PCBP3: variants seen among roughly 807,000 people sequenced by gnomAD.
PCBP3 encodes the protein poly(rC) binding protein 3, also known as poly(rC)-binding protein 3.
PCBP3 carries 25 observed loss-of-function variants against 52.7 expected under a neutral mutation model. The observed-to-expected ratio is 0.47, with a 90% CI of 0.35 to 0.66. The LOEUF (loss-of-function observed/expected upper bound fraction) is 0.66. PCBP3 is among the 30% of genes least tolerant of loss of function. The probability of loss-of-function intolerance (pLI) is 0.01; values close to 1 mark genes in which losing one functional copy is unlikely to be tolerated. For missense variants in PCBP3, 391 were observed against 490.3 expected, an observed-to-expected ratio of 0.80 and a Z score of 1.91; for synonymous variants, 162 against 183.0, an observed-to-expected ratio of 0.89 and a Z score of 0.93.
rs1333562740 is a variant in PCBP3 at position 45,837,329 on chromosome 21, G to A, written c.-125-12632G>A. 6.6e-6 allele frequency among the ~76,000 whole-genome samples: 1 copy of A among 152,214 alleles called. No homozygotes were observed. The highest frequency in any genetic ancestry group is 1.9e-4 in the East Asian group (1 of 5,192). On this transcript the variant is annotated intron_variant, in intron 4 of 17. Coordinates refer to ENST00000681687, the MANE Select transcript of PCBP3 (RefSeq NM_001384156.1). The surrounding 1 kb of genome is among the most constrained non-coding windows in gnomAD (Gnocchi z 4.1). Reference sequence around the variant, plus strand: ...GATCGTGACCCTCCCTTTAATCTGGGCAGGCATGTGCCTCCAGCGGAAATG... The same window carrying A: ...GATCGTGACCCTCCCTTTAATCTGGACAGGCATGTGCCTCCAGCGGAAATG...
chr21:45,861,929 C>A (rs1217155568), intron 5 of PCBP3, among the ~76,000 whole-genome samples: 2 of 152,246 alleles, frequency 1.3e-5, no homozygotes, highest in Non-Finnish European at 2.9e-5. Flanking sequence ...GGCTGGCAAT[C>A]CAGGATCAAG....
At position 45,917,604 on chromosome 21, in the gene PCBP3, G is replaced by A; in HGVS notation, c.692G>A (p.Gly231Glu). The A allele has an allele frequency of 6.2e-7, 1 of 1,613,456 alleles. No individual in the cohort carries two copies. The change falls in exon 13 of 18, where the codon GGA becomes GAA. Residue 231 changes from glycine to glutamate, a missense_variant. Gly to Glu is a moderately conservative substitution (Grantham distance 98). Coordinates refer to ENST00000681687, the MANE Select transcript of PCBP3 (RefSeq NM_001384156.1). This position sits in a 1 kb window ranked among gnomAD's most constrained non-coding sequence, Gnocchi z 5.3. Reference protein sequence around the residue: ...FAGGQAYTIQGQYAIPHPDQL... With the variant: ...FAGGQAYTIQEQYAIPHPDQL... ...TCTCTCTAGGCCTACACAATCCAGG[G>A]ACAGTATGCCATCCCTCACCCGGAT...
At chr21:45,884,096 G>C (rs917259030) in intron 5 of PCBP3, among the ~76,000 whole-genome samples, 5 of 152,096 alleles carry the variant, frequency 3.3e-5, no homozygotes, top group African/African-American at 1.2e-4. Flanking sequence ...ACCATGCCCA[G>C]CCAATTTATT....
chr21:45,866,126 C>A (rs1271880564), intron 5 of PCBP3, among the ~76,000 whole-genome samples: 1 of 152,210 alleles, frequency 6.6e-6, no homozygotes, highest in African/African-American at 2.4e-5. Context: ...GACCCCTGGA[C>A]CCCCCTTGCC....
intron 2 of PCBP3, among the ~76,000 whole-genome samples, chr21:45,729,033 A>C (rs1320926076): frequency 6.6e-6 from 1 of 152,156 alleles, no homozygotes; most frequent in Non-Finnish European, 1.5e-5. Context: ...TTTTGTTACC[A>C]CGAAGGAATA....
At chr21:45,696,931 A>G (rs1366578740) in intron 2 of PCBP3, among the ~76,000 whole-genome samples, 1 of 152,244 alleles carries the variant, frequency 6.6e-6, no homozygotes, top group Non-Finnish European at 1.5e-5. Flanking sequence ...GATTAAAACC[A>G]CAGTGAGGTA....
chr21:45,658,573 G>A (rs139579059), intron 1 of PCBP3, among the ~76,000 whole-genome samples: 1 of 152,108 alleles, frequency 6.6e-6, no homozygotes, highest in African/African-American at 2.4e-5. Flanking sequence ...CAAAATGCTG[G>A]GATTACAGAC....
At position 45,941,853 on chromosome 21, in the gene PCBP3, AAC is replaced by A. The variant is rs2077496874; in HGVS notation, c.*152_*153del. The A allele has an allele frequency of 1.7e-5, 10 of 572,428 alleles. No individual in the cohort carries two copies. Among genetic ancestry groups the A allele is most frequent in the Non-Finnish European group, 2.7e-5 (9 of 337,408 alleles). 35.5% of individuals were successfully genotyped at this position (572,428 alleles called of 1,614,324 possible). A position where few individuals can be genotyped will look rare whatever the true frequency, so the allele number is the denominator to read the frequency against. ...AACAAAAGGACGTATGCCATGGAGAAACACACCCGCGCACACAGCTGCTCTCT... is the reference window on the plus strand; with the variant it reads ...AACAAAAGGACGTATGCCATGGAGAAACACCCGCGCACACAGCTGCTCTCT... On this transcript the variant is annotated 3_prime_UTR_variant, in exon 18 of 18. Transcript: ENST00000681687.
At chr21:45,702,472 A>T (rs1430977473) in intron 2 of PCBP3, among the ~76,000 whole-genome samples, 1 of 152,264 alleles carries the variant, frequency 6.6e-6, no homozygotes, top group Non-Finnish European at 1.5e-5. Context: ...AAAGCAAGTC[A>T]CATGAATTTT....
chr21:45,868,781 G>T (rs940330369), intron 5 of PCBP3, among the ~76,000 whole-genome samples: 7 of 152,236 alleles, frequency 4.6e-5, no homozygotes, highest in African/African-American at 1.4e-4. Context: ...CGGGGTGGCC[G>T]AGACAGGGAA....
intron 2 of PCBP3, among the ~76,000 whole-genome samples, chr21:45,722,283 G>A (rs1002086517): frequency 2.6e-5 from 4 of 152,146 alleles, no homozygotes; most frequent in Non-Finnish European, 5.9e-5. Flanking sequence ...AATGTAAGTG[G>A]ATATATGTTT....
At chr21:45,738,169 A>G (rs930325204) in intron 3 of PCBP3, among the ~76,000 whole-genome samples, 7 of 152,182 alleles carry the variant, frequency 4.6e-5, no homozygotes, top group African/African-American at 1.7e-4. Flanking sequence ...GGAAATAAGA[A>G]GTAGTAATGA....
chr21:45,826,925 T>G lies in PCBP3; in HGVS notation c.-125-23036T>G, dbSNP rs117613642. Reference sequence around the variant, plus strand: ...CTCCCCCGAGTCAGGAAAGGCCAAGTGGAGAGTTGAGGCTTCTGCTTGTAC... The same window carrying G: ...CTCCCCCGAGTCAGGAAAGGCCAAGGGGAGAGTTGAGGCTTCTGCTTGTAC... On this transcript the variant is annotated intron_variant, in intron 4 of 17. Coordinates refer to ENST00000681687, the MANE Select transcript of PCBP3 (RefSeq NM_001384156.1). Among the ~76,000 whole-genome samples, 178 of 151,954 alleles carry G rather than the reference T, an allele frequency of 1.2e-3. 3 individuals are homozygous for G. The East Asian group carries it at 0.029, about 25-fold the overall frequency.
chr21:45,824,503 C>T (rs571929166), intron 4 of PCBP3, among the ~76,000 whole-genome samples: 13 of 152,312 alleles, frequency 8.5e-5, no homozygotes, highest in East Asian at 5.8e-4. Context: ...AGATTTCTCC[C>T]GTTGGGATTG....
intron 3 of PCBP3, among the ~76,000 whole-genome samples, chr21:45,744,754 G>C (rs1045756432): frequency 6.6e-6 from 1 of 152,002 alleles, no homozygotes; most frequent in Non-Finnish European, 1.5e-5. Flanking sequence ...TAATGCATTT[G>C]ACTCTCAGTC....
At chr21:45,894,876 G>A (rs914280442) in intron 5 of PCBP3, among the ~76,000 whole-genome samples, 33 of 152,196 alleles carry the variant, frequency 2.2e-4, no homozygotes, top group Non-Finnish European at 1.6e-4. Context: ...CCTTCAAAGT[G>A]TCATTTTATT....
At chr21:45,762,492 T>TC (rs2088803732) in intron 4 of PCBP3, 2 of 77,796 alleles carry the variant, frequency 2.6e-5, no homozygotes, top group African/African-American at 7.7e-5. Context: ...TTTTCTTCTC[T>TC]TTTTTTTTTT....
chr21:45,861,414 G>T (rs1344478081), intron 5 of PCBP3, among the ~76,000 whole-genome samples: 1 of 152,092 alleles, frequency 6.6e-6, no homozygotes, highest in Non-Finnish European at 1.5e-5. Context: ...CCAGCCAGCT[G>T]GGGCAACAGC....
At chr21:45,909,318 G>T in intron 9 of PCBP3, 37 bp from the exon 10 acceptor site, 1 of 1,599,836 alleles carries the variant, frequency 6.3e-7, no homozygotes, top group Non-Finnish European at 8.5e-7. Context: ...ACTGCACGAC[G>T]CCTGAAGTGC....
Sources: allele counts gnomAD v4.1 joint callset (sites outside exome capture counted in the v4.1 genomes callset), GRCh38; gene constraint gnomAD v4.1.1; non-coding constraint Gnocchi (gnomAD v3.1); transcripts MANE v1.5; gene names NCBI Gene and HGNC (gene_info 2026-07-23, HGNC 2026-07-21).